The following DISP1 variants were observed in gnomAD, a reference collection of about 807,000 sequenced individuals.
DISP1 encodes the protein dispatched RND transporter family member 1.
A neutral mutation model predicts 37.3 loss-of-function variants in DISP1; 30 were observed. That is an observed-to-expected ratio of 0.80 (90% CI 0.60 to 1.09). DISP1 has a LOEUF of 1.09. Ranked by LOEUF, DISP1 falls within the 50% of genes least tolerant of loss-of-function variation. The probability of loss-of-function intolerance (pLI) is 0.00; values close to 1 mark genes in which losing one functional copy is unlikely to be tolerated. For synonymous variants in DISP1, 634 were observed against 690.2 expected (o/e 0.92, Z 1.28); for missense variants, 1,598 against 1,879.5 (o/e 0.85, Z 2.77).
chr1:222,980,755 T>A (rs538468042), intron 3 of DISP1, among the ~76,000 whole-genome samples: 11 of 152,346 alleles, frequency 7.2e-5, no homozygotes, highest in African/African-American at 2.6e-4. Context: ...TCCTTTATAA[T>A]GCTGTAAATA....
At chr1:222,874,851 CCT>C (rs1669868119) in intron 1 of DISP1, among the ~76,000 whole-genome samples, 1 of 152,026 alleles carries the variant, frequency 6.6e-6, no homozygotes, top group African/African-American at 2.4e-5. Context: ...TTTAGAGTTT[CCT>C]GTTTTTCTCC....
chr1:222,973,236 A>T (rs946753256), intron 3 of DISP1, among the ~76,000 whole-genome samples: 9 of 152,336 alleles, frequency 5.9e-5, no homozygotes, highest in Admixed American at 4.6e-4. Flanking sequence ...CTTTTTAATT[A>T]TACAACTAAT....
chr1:222,992,714 G>A (rs1396253210), intron 7 of DISP1, among the ~76,000 whole-genome samples: 2 of 152,248 alleles, frequency 1.3e-5, no homozygotes, highest in East Asian at 3.9e-4. Flanking sequence ...CTAGCTAGGT[G>A]TGACAGGAGA....
At chr1:222,995,596 T>C (rs184086595) in intron 8 of DISP1, among the ~76,000 whole-genome samples, 1 of 152,302 alleles carries the variant, frequency 6.6e-6, no homozygotes, top group African/African-American at 2.4e-5. Flanking sequence ...CTCTCAGTCT[T>C]CTCTACAGCC....
chr1:222,964,926 T>C (rs901328813), intron 3 of DISP1, among the ~76,000 whole-genome samples: 9 of 152,192 alleles, frequency 5.9e-5, no homozygotes, highest in African/African-American at 2.2e-4. Context: ...ATGGAAACGG[T>C]GCAGATTTTA....
chr1:222,906,084 C>A (rs935299754), intron 1 of DISP1, among the ~76,000 whole-genome samples: 5 of 152,038 alleles, frequency 3.3e-5, no homozygotes, highest in African/African-American at 1.2e-4. Flanking sequence ...TTCCTTCTAC[C>A]GAGCATCAAC....
intron 1 of DISP1, among the ~76,000 whole-genome samples, chr1:222,908,633 A>G (rs1447089355): frequency 2.0e-5 from 3 of 152,120 alleles, no homozygotes; most frequent in Non-Finnish European, 4.4e-5. Context: ...TGACCTCGTG[A>G]TCTGCCCACC....
At chr1:222,984,313 C>T (rs576448829) in intron 4 of DISP1, among the ~76,000 whole-genome samples, 69 of 148,926 alleles carry the variant, frequency 4.6e-4, no homozygotes, top group African/African-American at 1.7e-3. Context: ...AGGCTGTGGT[C>T]GGAGGACCTC....
At chr1:222,932,177 T>C in intron 2 of DISP1, among the ~76,000 whole-genome samples, 1 of 151,964 alleles carries the variant, frequency 6.6e-6, no homozygotes, top group East Asian at 1.9e-4. Context: ...TCAGCATTAA[T>C]TATATAAAGT....
chr1:222,918,085 TC>T (rs1447224825), intron 1 of DISP1, among the ~76,000 whole-genome samples: 2 of 152,142 alleles, frequency 1.3e-5, no homozygotes, highest in Non-Finnish European at 2.9e-5. Flanking sequence ...CAAAATGTCA[TC>T]AAAACGGCAC....
chr1:222,879,647 T>G (rs1454640054), intron 1 of DISP1, among the ~76,000 whole-genome samples: 1 of 152,152 alleles, frequency 6.6e-6, no homozygotes, highest in Admixed American at 6.5e-5. Flanking sequence ...TTAGTAATAC[T>G]GTAGGTGGGT....
intron 1 of DISP1, among the ~76,000 whole-genome samples, chr1:222,832,436 A>G (rs538387817): frequency 3.9e-5 from 6 of 152,308 alleles, no homozygotes; most frequent in South Asian, 2.1e-4. Context: ...AAGAACTTTC[A>G]TTTTTGGTTA....
intron 3 of DISP1, among the ~76,000 whole-genome samples, chr1:222,967,135 A>G (rs1039716455): frequency 6.6e-6 from 1 of 151,904 alleles, no homozygotes; most frequent in Non-Finnish European, 1.5e-5. Context: ...ATATATATAT[A>G]TCTACATTAT....
chr1:222,912,325 G>A (rs1245337493), intron 1 of DISP1, among the ~76,000 whole-genome samples: 1 of 152,096 alleles, frequency 6.6e-6, no homozygotes, highest in Admixed American at 6.6e-5. Context: ...TCAATAAATT[G>A]TTTTAGAAGC....
At chr1:222,815,681 C>G (rs1190077383) in intron 1 of DISP1, among the ~76,000 whole-genome samples, 2 of 152,158 alleles carry the variant, frequency 1.3e-5, no homozygotes, top group African/African-American at 4.8e-5. Flanking sequence ...TTCCTAGGGA[C>G]CGCTCGAATT....
intron 4 of DISP1, among the ~76,000 whole-genome samples, chr1:222,984,776 A>G (rs996500202): frequency 6.6e-6 from 1 of 152,084 alleles, no homozygotes; most frequent in Non-Finnish European, 1.5e-5. Flanking sequence ...TGTACCCATT[A>G]TACATTAACT....
chr1:222,910,157 A>C (rs34044693), intron 1 of DISP1, among the ~76,000 whole-genome samples: 51,963 of 152,058 alleles, frequency 0.34, 9,035 homozygotes, highest in East Asian at 0.52. Flanking sequence ...TGAGCGCAGG[A>C]GTTCAAGACC....
intron 1 of DISP1, among the ~76,000 whole-genome samples, chr1:222,881,741 A>AT (rs1249957899): frequency 2.0e-5 from 3 of 152,154 alleles, no homozygotes; most frequent in Non-Finnish European, 4.4e-5. Flanking sequence ...TTGCTTGTAG[A>AT]TTTTTACGGG....
chr1:222,877,491 C>T (rs1670031140), intron 1 of DISP1, among the ~76,000 whole-genome samples: 1 of 152,152 alleles, frequency 6.6e-6, no homozygotes, highest in African/African-American at 2.4e-5. Flanking sequence ...TACAGGGTCC[C>T]TCCCACACAC....
Sources: allele counts gnomAD v4.1 joint callset (sites outside exome capture counted in the v4.1 genomes callset), GRCh38; gene constraint gnomAD v4.1.1; transcripts MANE v1.5; gene names NCBI Gene and HGNC (gene_info 2026-07-23, HGNC 2026-07-21).